Variants in ARHGEF18 observed in about 807,000 individuals in gnomAD.
ARHGEF18 encodes the protein Rho/Rac guanine nucleotide exchange factor 18.
Under a neutral mutation model 155.7 loss-of-function variants are expected in ARHGEF18, and 93 were observed. The ratio of observed to expected loss-of-function variants is 0.60; its 90% confidence interval spans 0.50 to 0.71. ARHGEF18 has a LOEUF of 0.71. Among genes scored for constraint, ARHGEF18 ranks in the 30% least tolerant of loss-of-function variants. The probability of loss-of-function intolerance (pLI) is 0.00; values close to 1 mark genes in which losing one functional copy is unlikely to be tolerated. For synonymous variants in ARHGEF18, 742 were observed against 753.1 expected (o/e 0.99, Z 0.24); for missense variants, 1,593 against 1,816.1 (o/e 0.88, Z 2.23).
At chr19:7,414,050 A>G (rs770942307) in intron 10 of ARHGEF18, among the ~76,000 whole-genome samples, 1 of 152,140 alleles carries the variant, frequency 6.6e-6, no homozygotes, top group Non-Finnish European at 1.5e-5. Flanking sequence ...GGTCTAAATC[A>G]GGGTTTCCCA....
intron 10 of ARHGEF18, among the ~76,000 whole-genome samples, chr19:7,422,841 C>T (rs185362817): frequency 1.9e-4 from 28 of 150,936 alleles, no homozygotes; most frequent in African/African-American, 6.3e-4. Flanking sequence ...GCCTCAGCCT[C>T]CCAAGAAGCT....
chr19:7,466,520 A>G (rs1235131278), intron 23 of ARHGEF18, among the ~76,000 whole-genome samples: 1 of 144,100 alleles, frequency 6.9e-6, no homozygotes, highest in African/African-American at 2.6e-5. Context: ...AAAAAAAAAG[A>G]AGCCAGGCAT....
chr19:7,444,332 G>A lies in ARHGEF18; in HGVS notation c.1489G>A (p.Asp497Asn), dbSNP rs112363388. ...AIGRLFPCAD[D>N]LLETHSHFLA... ...TGGCCGCCTCTTCCCATGCGCTGAC[G>A]ACCTGCTGGAGACGCACAGCCACTT... is the stretch of plus-strand genomic sequence containing the variant. Residue 497 changes from aspartate (D) to asparagine (N), a missense_variant, in exon 14 of 29, where the codon GAC becomes AAC. Physicochemically the swap from Asp to Asn is conservative, Grantham distance 23 (BLOSUM62 1). Coordinates refer to ENST00000668164, the MANE Select transcript of ARHGEF18 (RefSeq NM_001367823.1). The surrounding 1 kb of genome is among the most constrained non-coding windows in gnomAD (Gnocchi z 4.7). The A allele has an allele frequency of 4.3e-6, 7 of 1,613,612 alleles. No homozygotes were observed. Among genetic ancestry groups the A allele is most frequent in the African/African-American group, 1.3e-5 (1 of 75,056 alleles).
At chr19:7,385,989 TCTCTCTCC>T (rs1568286195) in intron 10 of ARHGEF18, among the ~76,000 whole-genome samples, 2 of 115,526 alleles carry the variant, frequency 1.7e-5, no homozygotes, top group Non-Finnish European at 3.6e-5. Context: ...TCCCTCTCTC[TCTCTCTCC>T]CTCTCTCTTT....
Position 7,463,820 on chromosome 19 carries a change from G to A in ARHGEF18, c.2638G>A (p.Glu880Lys), listed in dbSNP as rs749592002. 3 of 1,606,466 alleles carry A rather than the reference G, an allele frequency of 1.9e-6. No homozygotes were observed. The highest frequency in any genetic ancestry group is 1.7e-6 in the Non-Finnish European group (2 of 1,177,142). ...CTCCTGTCCCCTTCCTTCCACAGTC[G>A]AGGGCATCCAGAGCCTGATCTGCAG... ...LILKSAMSEIEGIQSLICRQL... is the reference protein window; with the variant it reads ...LILKSAMSEIKGIQSLICRQL... Residue 880 changes from glutamate to lysine, a missense_variant and splice_region_variant, in exon 22 of 29, where the codon GAG becomes AAG. Glu to Lys is a moderately conservative substitution (Grantham distance 56). Transcript: ENST00000668164. The surrounding 1 kb of genome is among the most constrained non-coding windows in gnomAD (Gnocchi z 5.2).
chr19:7,369,439 C>G, intron 2 of ARHGEF18, among the ~76,000 whole-genome samples: 1 of 146,822 alleles, frequency 6.8e-6, no homozygotes, highest in Non-Finnish European at 1.5e-5. Flanking sequence ...CCAGCCTAGG[C>G]AACAAGAGTG....
intron 15 of ARHGEF18, among the ~76,000 whole-genome samples, chr19:7,449,652 C>T (rs1245857998): frequency 6.6e-6 from 1 of 152,018 alleles, no homozygotes; most frequent in African/African-American, 2.4e-5. Flanking sequence ...AGATGATTTC[C>T]ATAATAACCC....
intron 10 of ARHGEF18, among the ~76,000 whole-genome samples, chr19:7,421,998 G>A (rs893713568): frequency 3.9e-5 from 6 of 151,984 alleles, no homozygotes; most frequent in Non-Finnish European, 7.4e-5. Flanking sequence ...ATCCGTGCCC[G>A]TGTTTACCGG....
intron 10 of ARHGEF18, among the ~76,000 whole-genome samples, chr19:7,431,283 G>A (rs1973944798): frequency 1.3e-5 from 2 of 152,020 alleles, no homozygotes; most frequent in South Asian, 4.2e-4. Context: ...TTGAGAGGCC[G>A]AGGTGGGCGG....
Position 7,440,346 on chromosome 19 carries a change from TCGCTCAAGGAGCAC to T in ARHGEF18, c.972_985del (p.Leu325ProfsTer48). 6.2e-7 allele frequency: 1 copy of T among 1,612,938 alleles called. No homozygotes were observed. The highest frequency in any genetic ancestry group is 8.5e-7 in the Non-Finnish European group (1 of 1,179,740). ...CTCTGTCCTTGCCTCTGTCACAGCC[TCGCTCAAGGAGCAC>T]CCCCGGGGCACCCTCCTGTCCGATG... On this transcript the variant is annotated frameshift_variant, in exon 11 of 29. Transcript: ENST00000668164. LOFTEE classifies it high-confidence loss of function. This position sits in a 1 kb window ranked among gnomAD's most constrained non-coding sequence, Gnocchi z 5.4.
At chr19:7,355,326 C>T (rs561658735) in intron 1 of ARHGEF18, among the ~76,000 whole-genome samples, 1 of 152,086 alleles carries the variant, frequency 6.6e-6, no homozygotes, top group African/African-American at 2.4e-5. Flanking sequence ...CCCAGGCTCC[C>T]CGAGGGACCC....
intron 13 of ARHGEF18, among the ~76,000 whole-genome samples, chr19:7,442,382 G>A (rs1004533819): frequency 2.0e-5 from 3 of 151,920 alleles, no homozygotes; most frequent in African/African-American, 7.3e-5. Context: ...CACAGGCATG[G>A]GCCACTACAC....
intron 23 of ARHGEF18, among the ~76,000 whole-genome samples, chr19:7,465,990 G>A (rs931549256): frequency 2.0e-5 from 3 of 152,094 alleles, no homozygotes; most frequent in Non-Finnish European, 2.9e-5. Flanking sequence ...AGGCTAAGGT[G>A]GGAGAATCGC....
chr19:7,473,432 G>A (rs1033352345), downstream of ARHGEF18: 67 of 388,428 alleles, frequency 1.7e-4, 2 homozygotes, highest in South Asian at 1.2e-3. Flanking sequence ...GGGAGGCGGG[G>A]GCTGAGGCAG....
At chr19:7,473,607 C>T (rs562029205), downstream of ARHGEF18, among the ~76,000 whole-genome samples, 12 of 151,798 alleles carry the variant, frequency 7.9e-5, no homozygotes, top group African/African-American at 2.7e-4. Context: ...GTCAGGAGAT[C>T]GAGACCATCC....
chr19:7,383,585 A>G (rs907890571), intron 10 of ARHGEF18, among the ~76,000 whole-genome samples: 1 of 152,014 alleles, frequency 6.6e-6, no homozygotes. Context: ...TAAGCTTCAT[A>G]TGAAGGTGCC....
At chr19:7,429,930 CTTTTT>C (rs899823220) in intron 10 of ARHGEF18, among the ~76,000 whole-genome samples, 1 of 144,564 alleles carries the variant, frequency 6.9e-6, no homozygotes, top group African/African-American at 2.5e-5. Flanking sequence ...CCTGGAAGTA[CTTTTT>C]TTTTTTAAAT....
intron 2 of ARHGEF18, among the ~76,000 whole-genome samples, chr19:7,366,068 C>A (rs1268055842): frequency 6.6e-6 from 1 of 152,174 alleles, no homozygotes; most frequent in East Asian, 1.9e-4. Context: ...GCCTCAGCCT[C>A]CTGAGTAGCT....
At chr19:7,458,296 TTAAA>T (rs1975975728) in intron 18 of ARHGEF18, among the ~76,000 whole-genome samples, 1 of 110,068 alleles carries the variant, frequency 9.1e-6, no homozygotes, top group African/African-American at 3.5e-5. Flanking sequence ...CCAAGATAGT[TTAAA>T]AAAAAAAAAA....
Sources: gnomAD v4.1 joint callset for allele counts (sites outside exome capture counted in the v4.1 genomes callset) on GRCh38, gnomAD v4.1.1 for gene constraint, Gnocchi (gnomAD v3.1) non-coding constraint, MANE v1.5 for transcripts, NCBI Gene and HGNC (gene_info 2026-07-23, HGNC 2026-07-21) for gene names.